RGS6: variants seen among roughly 807,000 people sequenced by gnomAD.
RGS6 encodes regulator of G protein signaling 6, also known as regulator of G-protein signaling 6.
A neutral mutation model predicts 78.5 loss-of-function variants in RGS6; 30 were observed. That is an observed-to-expected ratio of 0.38 (90% confidence interval 0.29 to 0.52). The LOEUF (loss-of-function observed/expected upper bound fraction) is 0.52. RGS6 is among the 20% of genes least tolerant of loss of function. The probability of loss-of-function intolerance (pLI) is 0.85; values close to 1 mark genes in which losing one functional copy is unlikely to be tolerated. For missense variants in RGS6, 495 were observed against 609.7 expected (o/e 0.81, Z 1.98); for synonymous variants, 206 against 206.0 (o/e 1.00, Z 0.00).
At chr14:71,875,719 T>C in the RGS6 span, among the ~76,000 whole-genome samples, 1 of 152,324 alleles carries the variant, frequency 6.6e-6, no homozygotes, top group African/African-American at 2.4e-5. Context: ...CTTCTCTAGT[T>C]CTTTGAATTG....
At chr14:72,200,149 C>T (rs955969017) in intron 2 of RGS6, among the ~76,000 whole-genome samples, 5 of 152,114 alleles carry the variant, frequency 3.3e-5, no homozygotes, top group African/African-American at 9.7e-5. Context: ...TGGAAGATTC[C>T]GTGATTTCTC....
chr14:72,523,853 G>A (rs1428633590), intron 15 of RGS6, among the ~76,000 whole-genome samples: 3 of 152,100 alleles, frequency 2.0e-5, no homozygotes, highest in Non-Finnish European at 4.4e-5. Context: ...TAAGGACTCA[G>A]TTCTTTATGC....
At chr14:71,970,942 G>A (rs955810848) in intron 2 of RGS6, among the ~76,000 whole-genome samples, 1 of 152,124 alleles carries the variant, frequency 6.6e-6, no homozygotes, top group Non-Finnish European at 1.5e-5. Flanking sequence ...TTAACCAGAT[G>A]GAGGAGGAGA....
intron 1 of RGS6, among the ~76,000 whole-genome samples, chr14:71,960,430 T>G (rs2093107153): frequency 6.6e-6 from 1 of 152,230 alleles, no homozygotes; most frequent in Non-Finnish European, 1.5e-5. Context: ...TGGCTTGTTA[T>G]CCAGATGAAT....
At chr14:72,406,568 CT>C (rs2092942338) in intron 3 of RGS6, among the ~76,000 whole-genome samples, 1 of 152,076 alleles carries the variant, frequency 6.6e-6, no homozygotes, top group Admixed American at 6.6e-5. Context: ...GGAGTAAAGG[CT>C]GGAAGTCAGG....
the RGS6 span, among the ~76,000 whole-genome samples, chr14:71,922,020 T>G: frequency 1.2e-4 from 19 of 152,314 alleles, no homozygotes; most frequent in African/African-American, 3.4e-4. Context: ...AAATCCCACC[T>G]ATTTTTTATT....
chr14:72,063,175 G>A (rs2093976721), intron 2 of RGS6, among the ~76,000 whole-genome samples: 1 of 152,150 alleles, frequency 6.6e-6, no homozygotes. Context: ...AGATGTTGAA[G>A]AACTGAATCT....
chr14:72,017,105 T>TAA, intron 2 of RGS6, among the ~76,000 whole-genome samples: 1 of 152,292 alleles, frequency 6.6e-6, no homozygotes. Context: ...CAATCATAGC[T>TAA]AACTGCAGCC....
chr14:72,143,228 T>C (rs2096563997), intron 2 of RGS6, among the ~76,000 whole-genome samples: 1 of 151,892 alleles, frequency 6.6e-6, no homozygotes, highest in Admixed American at 6.6e-5. Flanking sequence ...CGTAAATTAG[T>C]CAGGCGTGGT....
the RGS6 span, among the ~76,000 whole-genome samples, chr14:71,897,489 C>G: frequency 2.0e-5 from 3 of 151,980 alleles, no homozygotes; most frequent in Admixed American, 2.0e-4. Flanking sequence ...GGTCTCATTA[C>G]CCATTGTTAG....
chr14:72,467,140 A>C (rs1424929455), intron 7 of RGS6, among the ~76,000 whole-genome samples: 1 of 151,966 alleles, frequency 6.6e-6, no homozygotes, highest in Non-Finnish European at 1.5e-5. Flanking sequence ...TTTTTTTTTT[A>C]ACTTTTGGTT....
At chr14:72,601,330 C>A in the RGS6 span, among the ~76,000 whole-genome samples, 2 of 152,110 alleles carry the variant, frequency 1.3e-5, no homozygotes, top group Non-Finnish European at 2.9e-5. Flanking sequence ...TCACCACCCC[C>A]ACCCCCGAAT....
At chr14:72,394,589 A>T (rs2152961378) in intron 3 of RGS6, among the ~76,000 whole-genome samples, 1 of 152,340 alleles carries the variant, frequency 6.6e-6, no homozygotes, top group Middle Eastern at 3.4e-3. Context: ...CTCTTGAAAG[A>T]AGAGAAAGAT....
intron 2 of RGS6, among the ~76,000 whole-genome samples, chr14:72,262,944 C>T (rs77058067): frequency 8.7e-4 from 132 of 152,214 alleles, no homozygotes; most frequent in African/African-American, 3.1e-3. Flanking sequence ...TTACCTGGGG[C>T]AGCTCCAGGC....
intron 13 of RGS6, among the ~76,000 whole-genome samples, chr14:72,495,480 AC>A (rs1566980540): frequency 2.0e-5 from 3 of 152,146 alleles, no homozygotes; most frequent in African/African-American, 7.2e-5. Context: ...CCCTTTGGAT[AC>A]CATGATAACT....
intron 3 of RGS6, among the ~76,000 whole-genome samples, chr14:72,397,538 T>C (rs1596785298): frequency 6.6e-6 from 1 of 152,216 alleles, no homozygotes. Flanking sequence ...GAATACCCTT[T>C]ATTTCCTTCT....
chr14:72,042,494 A>G (rs1235642622), intron 2 of RGS6, among the ~76,000 whole-genome samples: 1 of 152,176 alleles, frequency 6.6e-6, no homozygotes, highest in Non-Finnish European at 1.5e-5. Context: ...ATCATCTGCA[A>G]TTCATTCAAC....
chr14:71,892,171 C>A, the RGS6 span, among the ~76,000 whole-genome samples: 1 of 152,112 alleles, frequency 6.6e-6, no homozygotes, highest in African/African-American at 2.4e-5. Context: ...TCCTTCACAA[C>A]AAAACACTAC....
At chr14:72,267,168 C>G (rs2153902270) in intron 2 of RGS6, among the ~76,000 whole-genome samples, 2 of 152,272 alleles carry the variant, frequency 1.3e-5, no homozygotes, top group African/African-American at 4.8e-5. Context: ...CCAGGCTGGT[C>G]TCAAACTCCT....
Sources: allele counts gnomAD v4.1 joint callset (sites outside exome capture counted in the v4.1 genomes callset), GRCh38; gene constraint gnomAD v4.1.1; transcripts MANE v1.5; gene names NCBI Gene and HGNC (gene_info 2026-07-23, HGNC 2026-07-21).